COA1: variants seen among roughly 807,000 people sequenced by gnomAD.
COA1 encodes cytochrome c oxidase assembly factor 1 homolog.
COA1 carries 13 observed loss-of-function variants against 16.0 expected under a neutral mutation model. The ratio of observed to expected loss-of-function variants is 0.81; its 90% CI spans 0.53 to 1.29. The LOEUF (loss-of-function observed/expected upper bound fraction) is 1.29. COA1 is among the 50% of genes most tolerant of loss of function. COA1 has a pLI of 0.00. For synonymous variants in COA1, 65 were observed against 65.7 expected (o/e 0.99, Z 0.05); for missense variants, 179 against 177.0 (o/e 1.01, Z -0.06).
intron 1 of COA1, among the ~76,000 whole-genome samples, chr7:43,658,212 T>C (rs2092011205): frequency 6.6e-6 from 1 of 151,760 alleles, no homozygotes; most frequent in Admixed American, 6.6e-5. Flanking sequence ...TCGTCTCTAC[T>C]AAAAATACAA....
rs10627279 is a variant in COA1 at position 43,644,799 on chromosome 7, C to CAGAGAGAGAGAGAGAGAGAG, written c.264+432_264+451dup. On this transcript the variant is annotated intron_variant, in intron 4 of 5. Coordinates refer to ENST00000223336, the MANE Select transcript of COA1 (RefSeq NM_018224.4). The stretch of plus-strand genomic sequence containing the variant: ...GCAGGCAGGCAGGCAGGCAGAGAGA[C>CAGAGAGAGAGAGAGAGAGAG]AGAGAGAGAGAGAGAGAGAGAGAGA... 8.6e-4 allele frequency among the ~76,000 whole-genome samples: 65 copies of CAGAGAGAGAGAGAGAGAGAG among 75,324 alleles called. 3 individuals carry two copies. Among genetic ancestry groups the CAGAGAGAGAGAGAGAGAGAG allele is most frequent in the Admixed American group, 2.5e-3 (16 of 6,354 alleles). 49.4% of individuals were successfully genotyped at this position (75,324 alleles called of 152,430 possible).
At chr7:43,681,663 G>A (rs2093775034) in intron 1 of COA1, among the ~76,000 whole-genome samples, 1 of 152,176 alleles carries the variant, frequency 6.6e-6, no homozygotes. Flanking sequence ...ATTTGGTTAG[G>A]TTTTAAGTGT....
At chr7:43,638,284 G>T (rs1353138183), downstream of COA1, among the ~76,000 whole-genome samples, 3 of 150,358 alleles carry the variant, frequency 2.0e-5, no homozygotes, top group Non-Finnish European at 4.4e-5. Flanking sequence ...TGTAGGAAGA[G>T]AGCTCATGGC....
intron 1 of COA1, among the ~76,000 whole-genome samples, chr7:43,691,278 AAAGAAAGAAAG>A (rs1563381453): frequency 2.6e-4 from 9 of 34,898 alleles, no homozygotes; most frequent in South Asian, 2.7e-3. Context: ...AGAAAGAAAG[AAAGAAAGAAAG>A]AAAGAAAGAA....
At chr7:43,637,391 G>C (rs565017567), downstream of COA1, among the ~76,000 whole-genome samples, 1 of 152,142 alleles carries the variant, frequency 6.6e-6, no homozygotes, top group Non-Finnish European at 1.5e-5. Context: ...GTCTTTACAA[G>C]TCTACAGTTT....
intron 6 of COA1, among the ~76,000 whole-genome samples, chr7:43,622,039 T>TAGGG (rs2083952801): frequency 1.3e-5 from 2 of 152,186 alleles, no homozygotes; most frequent in African/African-American, 2.4e-5. Flanking sequence ...ACCGACCTCA[T>TAGGG]AGGGAATTTG....
intron 1 of COA1, among the ~76,000 whole-genome samples, chr7:43,691,555 T>C (rs183171631): frequency 7.9e-5 from 12 of 152,340 alleles, no homozygotes; most frequent in African/African-American, 2.9e-4. Context: ...TCTACCCTTC[T>C]AGTAGCTCTA....
chr7:43,700,351 A>C (rs1277435157), intron 1 of COA1, among the ~76,000 whole-genome samples: 1 of 151,972 alleles, frequency 6.6e-6, no homozygotes, highest in Non-Finnish European at 1.5e-5. Context: ...ATATACATAA[A>C]ATTTTCTATA....
chr7:43,655,400 C>T (rs2091551738), intron 1 of COA1, among the ~76,000 whole-genome samples: 1 of 152,190 alleles, frequency 6.6e-6, no homozygotes, highest in Non-Finnish European at 1.5e-5. Context: ...CCTGCAATCC[C>T]AGCACTTTGG....
chr7:43,663,767 A>AT (rs761245877), intron 1 of COA1, among the ~76,000 whole-genome samples: 5 of 151,426 alleles, frequency 3.3e-5, no homozygotes, highest in Admixed American at 6.6e-5. Flanking sequence ...AGCAACTACC[A>AT]TTTTATTAAT....
intron 1 of COA1, among the ~76,000 whole-genome samples, chr7:43,679,264 C>CAAA (rs10618048): frequency 1.2e-5 from 1 of 84,120 alleles, no homozygotes; most frequent in Non-Finnish European, 2.2e-5. Context: ...AACTCCATTG[C>CAAA]AAAAAAAAAA....
Position 43,645,238 on chromosome 7 carries a change from G to A in COA1, c.264+13C>T. 1 of 1,613,452 alleles carries A rather than the reference G, an allele frequency of 6.2e-7. No homozygotes were observed. The highest frequency in any genetic ancestry group is 1.1e-5 in the South Asian group (1 of 90,998). On this transcript the variant is annotated intron_variant, in intron 4 of 5. Coordinates refer to ENST00000223336, the MANE Select transcript of COA1 (RefSeq NM_018224.4). ...CAGGCACCAGCCTGCGGTTCGCAGG[G>A]AAAGCACATTACCTTGGCATCAACA...
At chr7:43,657,560 G>A (rs187342987) in intron 1 of COA1, among the ~76,000 whole-genome samples, 3 of 152,114 alleles carry the variant, frequency 2.0e-5, no homozygotes, top group South Asian at 2.1e-4. Context: ...ACCAGGCGCC[G>A]TGCTAGGCAC....
chr7:43,713,641 T>C (rs1455012371), intron 1 of COA1, among the ~76,000 whole-genome samples: 1 of 152,206 alleles, frequency 6.6e-6, no homozygotes, highest in Non-Finnish European at 1.5e-5. Flanking sequence ...CTGTATTTCT[T>C]CCAAGTTGCT....
chr7:43,630,399 T>C (rs1446866550), intron 6 of COA1, among the ~76,000 whole-genome samples: 1 of 152,208 alleles, frequency 6.6e-6, no homozygotes, highest in African/African-American at 2.4e-5. Context: ...TCAGTTTCAA[T>C]ACATTGTGAT....
chr7:43,628,940 C>T (rs1294377606), intron 6 of COA1, among the ~76,000 whole-genome samples: 1 of 152,164 alleles, frequency 6.6e-6, no homozygotes, highest in African/African-American at 2.4e-5. Context: ...TTTGCCTACC[C>T]AAGCTCATGA....
chr7:43,641,460 T>C (rs1244333667), intron 4 of COA1: 1 of 152,186 alleles, frequency 6.6e-6, no homozygotes, highest in Non-Finnish European at 1.5e-5. Flanking sequence ...CAAAATCCAA[T>C]TGTAGAATCC....
chr7:43,656,763 T>C (rs2091773499), intron 1 of COA1, among the ~76,000 whole-genome samples: 2 of 152,278 alleles, frequency 1.3e-5, no homozygotes, highest in South Asian at 2.1e-4. Flanking sequence ...TAACATAACA[T>C]AGCAAATATC....
intron 1 of COA1, among the ~76,000 whole-genome samples, chr7:43,706,783 T>C (rs142688338): frequency 1.2e-3 from 179 of 148,720 alleles, no homozygotes; most frequent in African/African-American, 4.3e-3. Context: ...GATGGGAGGA[T>C]TGCTTGAGTC....
Sources: gnomAD v4.1 joint callset for allele counts (sites outside exome capture counted in the v4.1 genomes callset) on GRCh38, gnomAD v4.1.1 for gene constraint, MANE v1.5 for transcripts, NCBI Gene and HGNC (gene_info 2026-07-23, HGNC 2026-07-21) for gene names.